CCDC141: variants seen among roughly 807,000 people sequenced by gnomAD.
The protein encoded by CCDC141 is coiled-coil domain containing 141.
CCDC141 carries 168 observed loss-of-function variants against 181.0 expected under a neutral mutation model. The observed-to-expected ratio is 0.93, with a 90% confidence interval of 0.82 to 1.05. The LOEUF is 1.05. Among genes scored for constraint, CCDC141 ranks in the 50% least tolerant of loss-of-function variants. CCDC141 has a pLI of 0.00. For synonymous variants in CCDC141, 666 were observed against 642.3 expected (o/e 1.04, Z -0.56); for missense variants, 1,902 against 1,788.5 (o/e 1.06, Z -1.14).
At chr2:178,876,581 G>C (rs920801793) in intron 12 of CCDC141, 1 of 152,052 alleles carries the variant, frequency 6.6e-6, no homozygotes, top group African/African-American at 2.4e-5. Flanking sequence ...ATGAAGTAGC[G>C]GCTGAATGAA....
At chr2:178,920,695 TACACACACACACAC>T (rs59015092) in intron 6 of CCDC141, among the ~76,000 whole-genome samples, 6 of 146,662 alleles carry the variant, frequency 4.1e-5, no homozygotes, top group Admixed American at 1.4e-4. Flanking sequence ...CTGAACTCCA[TACACACACACACAC>T]ACACACACAC....
intron 11 of CCDC141, among the ~76,000 whole-genome samples, chr2:178,882,675 G>C (rs979748702): frequency 4.6e-5 from 7 of 152,216 alleles, no homozygotes; most frequent in Non-Finnish European, 8.8e-5. Flanking sequence ...TACCAAATGG[G>C]AGCCAACTAG....
chr2:178,986,620 C>G (rs1484440956), intron 2 of CCDC141, among the ~76,000 whole-genome samples: 1 of 151,462 alleles, frequency 6.6e-6, no homozygotes, highest in African/African-American at 2.4e-5. Flanking sequence ...TCAGCAAAGT[C>G]TCAGGATACA....
At chr2:178,903,611 T>TG (rs1553481506) in intron 8 of CCDC141, among the ~76,000 whole-genome samples, 51 of 48,944 alleles carry the variant, frequency 1.0e-3, no homozygotes, top group African/African-American at 4.1e-3. Flanking sequence ...TGTTGTGGGG[T>TG]GGGGGGAGGG....
chr2:178,980,881 TG>T (rs759031939), intron 2 of CCDC141, among the ~76,000 whole-genome samples: 1 of 151,950 alleles, frequency 6.6e-6, no homozygotes, highest in Admixed American at 6.6e-5. Context: ...TAAAGCTGGA[TG>T]AAAAAAAAGG....
Position 178,834,210 on chromosome 2 carries a change from A to T in CCDC141, c.4556T>A (p.Val1519Asp). 6.5e-7 allele frequency: 1 copy of T among 1,536,250 alleles called. No homozygotes were observed. The highest frequency in any genetic ancestry group is 8.7e-7 in the Non-Finnish European group (1 of 1,146,836). ...GAGCCAGTACATTAGGGACACACTA[A>T]CATAGACGACACACAGGGTTATCCA... ...VNWITLCVVY[V>D]SVSLMYWLLT... is the part of the protein sequence containing the mutation. The change falls in exon 24 of 24, where the codon GTT becomes GAT. Residue 1519 changes from valine to aspartate, a missense_variant. Physicochemically the swap from Val to Asp is radical, Grantham distance 152. Transcript: ENST00000443758.
chr2:178,997,905 A>G (rs1692361389), intron 2 of CCDC141, among the ~76,000 whole-genome samples: 1 of 152,116 alleles, frequency 6.6e-6, no homozygotes, highest in Admixed American at 6.5e-5. Flanking sequence ...TCCCCCCTCA[A>G]GTGGTCTCTC....
chr2:178,925,332 C>T (rs1269587495), intron 6 of CCDC141, among the ~76,000 whole-genome samples: 1 of 152,186 alleles, frequency 6.6e-6, no homozygotes, highest in Non-Finnish European at 1.5e-5. Context: ...TTCCCTTATT[C>T]TCTTCGGTGT....
intron 5 of CCDC141, among the ~76,000 whole-genome samples, chr2:178,945,732 G>T (rs1689702043): frequency 6.6e-6 from 1 of 152,122 alleles, no homozygotes; most frequent in South Asian, 2.1e-4. Flanking sequence ...TGTCTTGCCT[G>T]AAGCAGTCTC....
At chr2:178,990,423 G>C (rs1458591217) in intron 2 of CCDC141, among the ~76,000 whole-genome samples, 1 of 151,694 alleles carries the variant, frequency 6.6e-6, no homozygotes, top group Non-Finnish European at 1.5e-5. Context: ...CCAAAAGACA[G>C]AAACAATCCA....
intron 2 of CCDC141, among the ~76,000 whole-genome samples, chr2:179,030,734 T>C (rs1462986570): frequency 6.6e-6 from 1 of 152,086 alleles, no homozygotes; most frequent in East Asian, 1.9e-4. Context: ...TACCTATTTT[T>C]GAAAATATGA....
intron 6 of CCDC141, among the ~76,000 whole-genome samples, chr2:178,933,697 C>A (rs1689180927): frequency 6.6e-6 from 1 of 152,168 alleles, no homozygotes; most frequent in African/African-American, 2.4e-5. Context: ...TCCTAAAATG[C>A]AAATCAGTTG....
intron 9 of CCDC141, among the ~76,000 whole-genome samples, chr2:178,887,488 C>G (rs1686941044): frequency 6.6e-6 from 1 of 152,154 alleles, no homozygotes; most frequent in African/African-American, 2.4e-5. Flanking sequence ...CGCTCTAACT[C>G]TAGTCCATAC....
At position 178,836,679 on chromosome 2, in the gene CCDC141, G is replaced by A. The variant is rs528101134; in HGVS notation, c.4325+215C>T. ...GCTTTGGAAATTTGTTAAATTATTA[G>A]TACTTTATATGGTTACCTTTTATTT... is the stretch of plus-strand genomic sequence containing the variant. On this transcript the variant is annotated intron_variant, in intron 23 of 23. Coordinates refer to ENST00000443758, the MANE Select transcript of CCDC141 (RefSeq NM_173648.4). 3.5e-5 allele frequency: 17 copies of A among 482,636 alleles called. No homozygotes were observed. In the South Asian group the frequency reaches 5.8e-4, roughly 16 times the overall value. 29.9% of individuals were successfully genotyped at this position (482,636 alleles called of 1,614,324 possible). A position where few individuals can be genotyped will look rare whatever the true frequency, so the allele number is the denominator to read the frequency against.
chr2:178,816,286 G>T, the CCDC141 span, among the ~76,000 whole-genome samples: 2 of 152,102 alleles, frequency 1.3e-5, no homozygotes, highest in African/African-American at 4.8e-5. Flanking sequence ...CATATAGTTG[G>T]AGTCATACAG....
At chr2:178,863,953 G>A (rs567255600) in intron 17 of CCDC141, among the ~76,000 whole-genome samples, 29 of 152,264 alleles carry the variant, frequency 1.9e-4, no homozygotes, top group African/African-American at 6.7e-4. Context: ...TTGTCATCCC[G>A]GCCGGCTGGC....
intron 3 of CCDC141, 127 bp from the exon 4 acceptor site, chr2:178,975,292 A>C (rs947040661): frequency 1.1e-5 from 6 of 540,208 alleles, no homozygotes; most frequent in East Asian, 5.8e-5. Flanking sequence ...ATGCAAGTGC[A>C]TATGTTTGTA....
At chr2:178,912,141 A>G (rs972830796) in intron 7 of CCDC141, among the ~76,000 whole-genome samples, 1 of 152,230 alleles carries the variant, frequency 6.6e-6, no homozygotes, top group African/African-American at 2.4e-5. Context: ...TGGTGAACAC[A>G]AAGTGAAAAG....
chr2:179,034,549 A>C (rs2043086885), intron 2 of CCDC141, among the ~76,000 whole-genome samples: 1 of 152,214 alleles, frequency 6.6e-6, no homozygotes, highest in Non-Finnish European at 1.5e-5. Flanking sequence ...GCATCTTTAT[A>C]TCAATATCTC....
Sources: allele counts gnomAD v4.1 joint callset (sites outside exome capture counted in the v4.1 genomes callset), GRCh38; gene constraint gnomAD v4.1.1; transcripts MANE v1.5; gene names NCBI Gene and HGNC (gene_info 2026-07-23, HGNC 2026-07-21).